Variants in TNKS1BP1 observed in about 807,000 individuals in gnomAD.
TNKS1BP1 encodes 182 kDa tankyrase-1-binding protein.
Under a neutral mutation model 141.1 loss-of-function variants are expected in TNKS1BP1, and 48 were observed. The ratio of observed to expected loss-of-function variants is 0.34; its 90% confidence interval spans 0.27 to 0.43. The LOEUF (loss-of-function observed/expected upper bound fraction) is 0.43, where lower values mean the gene tolerates loss of function less well. Among genes scored for constraint, TNKS1BP1 ranks in the 20% least tolerant of loss-of-function variants. The pLI, the probability that TNKS1BP1 is intolerant of heterozygous loss-of-function variation, is 1.00. For synonymous variants in TNKS1BP1, 875 were observed against 898.2 expected (o/e 0.97, Z 0.46); for missense variants, 2,149 against 2,226.0 (o/e 0.97, Z 0.70).
At chr11:57,301,471 C>T (rs1236216444) in intron 9 of TNKS1BP1, among the ~76,000 whole-genome samples, 2 of 152,172 alleles carry the variant, frequency 1.3e-5, no homozygotes, top group African/African-American at 4.8e-5. Context: ...ACTCCTCTCT[C>T]TCTGAACAGG....
chr11:57,306,920 T>TGGGGGG (rs1565039405), intron 6 of TNKS1BP1, among the ~76,000 whole-genome samples: 75 of 31,064 alleles, frequency 2.4e-3, no homozygotes, highest in African/African-American at 3.6e-3. Context: ...GGGGGTTGGG[T>TGGGGGG]GGGAGGGGGG....
chr11:57,324,141 CGGA>C (rs2134379563), intron 1 of TNKS1BP1, among the ~76,000 whole-genome samples: 1 of 152,368 alleles, frequency 6.6e-6, no homozygotes, highest in African/African-American at 2.4e-5. Context: ...GCTCCAGCCC[CGGA>C]GGGGACTCGG....
At chr11:57,300,321 C>T (rs1010181105) in intron 11 of TNKS1BP1, among the ~76,000 whole-genome samples, 1 of 152,202 alleles carries the variant, frequency 6.6e-6, no homozygotes, top group Non-Finnish European at 1.5e-5. Flanking sequence ...CTCTTCCACA[C>T]CAGGCCAGAC....
chr11:57,320,375 C>A lies in TNKS1BP1; in HGVS notation c.432G>T (p.Lys144Asn). ...ARCAAPGGVR[K>N]APAPFRPASE... ...AGGCTGGGCGGAAAGGGGCAGGGGC[C>A]TTCCGTACACCCCCTGGGGCTGCAC... Residue 144 changes from lysine to asparagine, a missense_variant, in exon 3 of 12, where the codon AAG (lysine) becomes AAT (asparagine). Physicochemically the swap from Lys to Asn is moderately conservative, Grantham distance 94. Coordinates refer to ENST00000358252, the MANE Select transcript of TNKS1BP1 (RefSeq NM_033396.3). 3.1e-6 allele frequency: 5 copies of A among 1,614,052 alleles called. No homozygotes were observed. In the East Asian group the frequency reaches 1.1e-4, roughly 36 times the overall value.
intron 6 of TNKS1BP1, among the ~76,000 whole-genome samples, chr11:57,305,622 G>A (rs1482663005): frequency 1.3e-5 from 2 of 152,158 alleles, no homozygotes; most frequent in Non-Finnish European, 1.5e-5. Flanking sequence ...TGACCCCAGA[G>A]AGACAGGGAG....
Position 57,302,640 on chromosome 11 carries a change from C to T in TNKS1BP1, c.4502G>A (p.Arg1501Lys), listed in dbSNP as rs1270999047. The change falls in exon 7 of 12, where the codon AGG becomes AAG. Residue 1501 changes from arginine to lysine, a missense_variant. Coordinates refer to ENST00000358252, the MANE Select transcript of TNKS1BP1 (RefSeq NM_033396.3). The surrounding 1 kb of genome is among the most constrained non-coding windows in gnomAD (Gnocchi z 5.5). ...CGGCCTCCAGGAGGGTGGAGAGTCC[C>T]TGCCAGGCTCCAGCACCTCCTCTTG... ...AAQEEVLEPG[R>K]DSPPSWRPQP... is the part of the protein sequence containing the mutation. 1 of 1,610,992 alleles carries T rather than the reference C, an allele frequency of 6.2e-7. No homozygotes were observed. Among genetic ancestry groups the T allele is most frequent in the Admixed American group, 1.7e-5 (1 of 59,932 alleles).
chr11:57,314,738 T>C (rs1312185825), intron 4 of TNKS1BP1, among the ~76,000 whole-genome samples: 2 of 152,068 alleles, frequency 1.3e-5, no homozygotes, highest in East Asian at 3.9e-4. Flanking sequence ...ACTCCACCTG[T>C]CCCCAGACAA....
intron 6 of TNKS1BP1, among the ~76,000 whole-genome samples, chr11:57,306,765 T>A (rs946226548): frequency 1.3e-5 from 2 of 152,066 alleles, no homozygotes; most frequent in Non-Finnish European, 2.9e-5. Flanking sequence ...GATGACACTA[T>A]CCTCCTCTTC....
In TNKS1BP1 at chr11:57,312,443, C is replaced by G. The variant is rs144113337; in HGVS notation, c.2154+91G>C. ...TGCTCACTACCACAGCCCAAGCTCT[C>G]GACATGTAAAATCCATGTTCAAAGA... On this transcript the variant is annotated intron_variant, in intron 5 of 11. Transcript: ENST00000358252. 5.1e-5 allele frequency: 69 copies of G among 1,348,452 alleles called. 3 individuals are homozygous for G. In the South Asian group the frequency reaches 1.2e-3, roughly 24 times the overall value. The allele number at this position is 1,348,452 out of a possible 1,614,324, so 83.5% of individuals were successfully genotyped here.
Position 57,313,397 on chromosome 11 carries a change from C to A in TNKS1BP1, c.1291G>T (p.Gly431Cys). 1 of 1,612,314 alleles carries A rather than the reference C, an allele frequency of 6.2e-7. No homozygotes were observed. The highest frequency in any genetic ancestry group is 8.5e-7 in the Non-Finnish European group (1 of 1,179,386). Reference protein sequence around the residue: ...TSLVQRRFSEGVLQSPSQDQE... With the variant: ...TSLVQRRFSECVLQSPSQDQE... ...TCCTGACTGGGTGACTGGAGCACAC[C>A]TTCAGAGAATCGGCGCTGAACCAGG... Residue 431 changes from glycine to cysteine, a missense_variant, in exon 5 of 12, where the codon GGT becomes TGT. Gly to Cys is a radical substitution (Grantham distance 159). Coordinates refer to ENST00000358252, the MANE Select transcript of TNKS1BP1 (RefSeq NM_033396.3).
intron 3 of TNKS1BP1, 68 bp downstream of exon 3, chr11:57,320,011 G>GCCCCC: frequency 1.2e-5 from 15 of 1,296,680 alleles, no homozygotes; most frequent in Non-Finnish European, 1.2e-5. Context: ...TTGGTCCCCA[G>GCCCCC]CCCCCACCCA....
In TNKS1BP1 at chr11:57,302,485, G is replaced by A. The variant is rs753700614; in HGVS notation, c.4657C>T (p.Pro1553Ser). The A allele has an allele frequency of 1.7e-5, 27 of 1,605,314 alleles. No homozygotes were observed. The highest frequency in any genetic ancestry group is 2.2e-5 in the Non-Finnish European group (26 of 1,174,210). The change falls in exon 7 of 12, where the codon CCC (proline) becomes TCC (serine). Residue 1553 changes from proline to serine, a missense_variant. By Grantham distance (74) the Pro-to-Ser change is moderately conservative. Transcript: ENST00000358252. The surrounding 1 kb of genome is among the most constrained non-coding windows in gnomAD (Gnocchi z 5.5). ...TCAATGAAGGAGAAGTCCTGACTGG[G>A]GGATCTGGCAGGAGGGCCTTGGGAG... ...RPSQGPPARS[P>S]SQDFSFIEDT...
chr11:57,307,819 GCA>G (rs970763226), intron 6 of TNKS1BP1, among the ~76,000 whole-genome samples: 2 of 152,208 alleles, frequency 1.3e-5, no homozygotes, highest in Non-Finnish European at 2.9e-5. Flanking sequence ...CAGCAAATTT[GCA>G]CAGAGGCCAA....
chr11:57,322,272 C>G, intron 1 of TNKS1BP1: 1 of 1,031,298 alleles, frequency 9.7e-7, no homozygotes, highest in South Asian at 3.8e-5. Flanking sequence ...GACGGCCCCG[C>G]TGGAGGTGTC....
intron 4 of TNKS1BP1, among the ~76,000 whole-genome samples, chr11:57,315,040 C>A (rs1440508768): frequency 1.3e-5 from 2 of 152,144 alleles, no homozygotes; most frequent in Admixed American, 6.5e-5. Flanking sequence ...ATCACTGCAA[C>A]CCTCTCCATC....
rs766216279 is a variant in TNKS1BP1, at chr11:57,308,813, C to G, written c.3898G>C (p.Glu1300Gln). 4.2e-5 allele frequency: 68 copies of G among 1,614,138 alleles called. No homozygotes were observed. The East Asian group carries it at 1.4e-3, about 33-fold the overall frequency. Reference protein sequence around the residue: ...MAPGAVCSPGESKELGVGQMD... With the variant: ...MAPGAVCSPGQSKELGVGQMD... ...TGGCCCACCCCAAGCTCTTTGGACT[C>G]TCCAGGACTGCAGACTGCCCCTGGG... The change falls in exon 6 of 12, where the codon GAG (glutamate) becomes CAG (glutamine). Residue 1300 changes from glutamate (E) to glutamine (Q), a missense_variant. Transcript: ENST00000358252.
Position 57,313,149 on chromosome 11 carries a change from G to A in TNKS1BP1, c.1539C>T (p.Gly513=). ...ASEAAEAAEA[G]NLAVSSREEG... ...CTTCCCTGCTGGAAACGGCCAAGTT[G>A]CCAGCCTCAGCAGCCTCGGCGGCCT... The change falls in exon 5 of 12, where the codon GGC becomes GGT. Residue 513 remains glycine (G), a synonymous_variant. Coordinates refer to ENST00000358252, the MANE Select transcript of TNKS1BP1 (RefSeq NM_033396.3). 1 of 1,613,026 alleles carries A rather than the reference G, an allele frequency of 6.2e-7. No individual in the cohort carries two copies. The highest frequency in any genetic ancestry group is 8.5e-7 in the Non-Finnish European group (1 of 1,180,028).
chr11:57,311,322 C>T, intron 5 of TNKS1BP1: 4 of 985,722 alleles, frequency 4.1e-6, no homozygotes, highest in Non-Finnish European at 4.8e-6. Context: ...GCAGCCGCTC[C>T]AGGATAGACA....
rs75896452 is a variant in TNKS1BP1, at chr11:57,301,112, T to C, written c.4972-71A>G. The C allele has an allele frequency of 2.7e-3, 3,952 of 1,455,350 alleles. 107 individuals are homozygous for C. In the African/African-American group the frequency reaches 0.049, roughly 18 times the overall value. 90.2% of individuals were successfully genotyped at this position (1,455,350 alleles called of 1,614,324 possible). ...GTAGGACTCTCAGGGGGTAAGACCT[T>C]ATCTCAAGAGTGTGCAGTCCCCAGA... On this transcript the variant is annotated intron_variant, in intron 9 of 11. Coordinates refer to ENST00000358252, the MANE Select transcript of TNKS1BP1 (RefSeq NM_033396.3).
Sources: gnomAD v4.1 joint callset for allele counts (sites outside exome capture counted in the v4.1 genomes callset) on GRCh38, gnomAD v4.1.1 for gene constraint, Gnocchi (gnomAD v3.1) non-coding constraint, MANE v1.5 for transcripts, NCBI Gene and HGNC (gene_info 2026-07-23, HGNC 2026-07-21) for gene names.